Variants in NCKAP1 observed in about 807,000 individuals in gnomAD.
NCKAP1 encodes the protein NCK associated protein 1.
A neutral mutation model predicts 151.2 loss-of-function variants in NCKAP1; 21 were observed. The ratio of observed to expected loss-of-function variants is 0.14; its 90% CI spans 0.10 to 0.20. NCKAP1 has a LOEUF of 0.20. Among genes scored for constraint, NCKAP1 ranks in the 10% least tolerant of loss-of-function variants. The pLI, the probability that NCKAP1 is intolerant of heterozygous loss-of-function variation, is 1.00. For missense variants in NCKAP1, 933 were observed against 1,352.1 expected (o/e 0.69, Z 4.86); for synonymous variants, 484 against 451.8 (o/e 1.07, Z -0.90).
intron 24 of NCKAP1, among the ~76,000 whole-genome samples, chr2:182,938,291 A>T (rs1411412577): frequency 6.6e-6 from 1 of 152,218 alleles, no homozygotes; most frequent in African/African-American, 2.4e-5. Flanking sequence ...CAGAGTAAAA[A>T]TGGAAGAGTA....
intron 23 of NCKAP1, among the ~76,000 whole-genome samples, chr2:182,947,671 T>A (rs895869478): frequency 2.6e-5 from 4 of 152,168 alleles, no homozygotes; most frequent in Admixed American, 2.6e-4. Context: ...CTACCAATAC[T>A]GGAAGCAAAA....
intron 15 of NCKAP1, among the ~76,000 whole-genome samples, chr2:182,968,272 G>A (rs548459194): frequency 6.6e-6 from 1 of 152,182 alleles, no homozygotes; most frequent in Non-Finnish European, 1.5e-5. Context: ...GGCAGTAGTG[G>A]CAATAAGACG....
At position 182,998,175 on chromosome 2, in the gene NCKAP1, C is replaced by T. The variant is rs115885826; in HGVS notation, c.604-2337G>A. ...CTAACTAGGCATCAAAGGAACACACCTCAAAATAAGCAGTGCCATCTATGA... is the reference window on the plus strand; with the variant it reads ...CTAACTAGGCATCAAAGGAACACACTTCAAAATAAGCAGTGCCATCTATGA... On this transcript the variant is annotated intron_variant, in intron 6 of 30. Transcript: ENST00000361354. Among the ~76,000 whole-genome samples, 1,480 of 152,132 alleles carry T rather than the reference C, an allele frequency of 9.7e-3. 7 individuals are homozygous for T. Among genetic ancestry groups the T allele is most frequent in the Non-Finnish European group, 0.015 (1,017 of 67,978 alleles).
At chr2:183,030,071 T>C (rs1439706162) in intron 1 of NCKAP1, among the ~76,000 whole-genome samples, 1 of 152,198 alleles carries the variant, frequency 6.6e-6, no homozygotes, top group South Asian at 2.1e-4. Flanking sequence ...CAAAACACTA[T>C]CTAAAAATAT....
chr2:182,961,397 C>T (rs558574045), intron 18 of NCKAP1, among the ~76,000 whole-genome samples: 19 of 152,240 alleles, frequency 1.2e-4, no homozygotes, highest in South Asian at 4.2e-4. Context: ...GAATACTATG[C>T]GGCCATAAAA....
chr2:182,957,514 G>C lies in NCKAP1; in HGVS notation c.1964C>G (p.Pro655Arg). The C allele has an allele frequency of 1.2e-6, 2 of 1,613,904 alleles. No homozygotes were observed. The highest frequency in any genetic ancestry group is 1.7e-6 in the Non-Finnish European group (2 of 1,179,904). Residue 655 changes from proline to arginine, a missense_variant, in exon 19 of 31, where the codon CCT becomes CGT. This residue lies in a region of NCKAP1 where 607 missense variants were observed against 795.0 expected (regional missense o/e 0.76). Transcript: ENST00000361354. ...CTCAACACCTGGTTTCTCCCTTTCA[G>C]GTTCCCCTTTCTTACCAGTCTGCTT... ...SKKQTGKKGEPEREKPGVESM... is the reference protein window; with the variant it reads ...SKKQTGKKGEREREKPGVESM...
intron 8 of NCKAP1, among the ~76,000 whole-genome samples, chr2:182,992,686 A>C (rs994173821): frequency 6.6e-6 from 1 of 152,212 alleles, no homozygotes; most frequent in African/African-American, 2.4e-5. Context: ...AATGTAAAAA[A>C]TAATATAATT....
intron 7 of NCKAP1, among the ~76,000 whole-genome samples, chr2:182,995,232 A>G: frequency 6.6e-6 from 1 of 152,236 alleles, no homozygotes; most frequent in East Asian, 1.9e-4. Context: ...AGTCAAGTTA[A>G]AAGACATTTA....
At position 182,914,351 on chromosome 2, in the gene NCKAP1, G is replaced by GT. The variant is rs1338267291; in HGVS notation, c.*11350dup. On this transcript the variant is annotated 3_prime_UTR_variant, in exon 31 of 31. Coordinates refer to ENST00000361354, the MANE Select transcript of NCKAP1 (RefSeq NM_013436.5). The stretch of plus-strand genomic sequence containing the variant: ...GGGAAGGCAAGTGGAGGGAGCTGAC[G>GT]TTTTGGACTCTGGACAGATACAATA... 6.6e-6 allele frequency: 1 copy of GT among 152,164 alleles called. No individual in the cohort carries two copies. 9.4% of individuals were successfully genotyped at this position (152,164 alleles called of 1,614,324 possible).
chr2:183,010,682 G>A (rs1443797386), intron 2 of NCKAP1, among the ~76,000 whole-genome samples: 1 of 152,152 alleles, frequency 6.6e-6, no homozygotes, highest in Non-Finnish European at 1.5e-5. Flanking sequence ...TCAAATTAAA[G>A]CAAACTTTGA....
At chr2:183,021,660 G>T (rs1259338406) in intron 2 of NCKAP1, among the ~76,000 whole-genome samples, 2 of 152,034 alleles carry the variant, frequency 1.3e-5, no homozygotes, top group African/African-American at 4.8e-5. Flanking sequence ...GATAAACCTT[G>T]AAAATATTAC....
At chr2:182,941,562 G>C (rs1696995374) in intron 24 of NCKAP1, among the ~76,000 whole-genome samples, 2 of 152,200 alleles carry the variant, frequency 1.3e-5, no homozygotes. Flanking sequence ...TGGGGTAGGA[G>C]ACCAACTACA....
At chr2:182,946,349 G>A (rs1697104573) in intron 23 of NCKAP1, among the ~76,000 whole-genome samples, 3 of 152,074 alleles carry the variant, frequency 2.0e-5, no homozygotes, top group East Asian at 1.9e-4. Flanking sequence ...GCAGTGAGCC[G>A]AGATCACGCC....
chr2:183,014,116 T>C lies in NCKAP1; in HGVS notation c.219+9690A>G, dbSNP rs938293728. On this transcript the variant is annotated intron_variant, in intron 2 of 30. Coordinates refer to ENST00000361354, the MANE Select transcript of NCKAP1 (RefSeq NM_013436.5). The stretch of plus-strand genomic sequence containing the variant: ...CATTATTTATTTCTGTTCAACATAA[T>C]ATAAGCTCTGTAAGAACAGAGACTT... Among the ~76,000 whole-genome samples, 6 of 152,238 alleles carry C rather than the reference T, an allele frequency of 3.9e-5. No homozygotes were observed. In the East Asian group the frequency reaches 1.2e-3, roughly 29 times the overall value.
chr2:182,953,832 C>T (rs184555219), intron 20 of NCKAP1, among the ~76,000 whole-genome samples: 6 of 151,846 alleles, frequency 4.0e-5, no homozygotes, highest in Admixed American at 2.0e-4. Flanking sequence ...AAAACTACAA[C>T]GAAATGTGAA....
At chr2:183,023,145 A>T (rs1190994324) in intron 2 of NCKAP1, among the ~76,000 whole-genome samples, 1 of 152,196 alleles carries the variant, frequency 6.6e-6, no homozygotes, top group Non-Finnish European at 1.5e-5. Context: ...GTCAAAATTT[A>T]TATAAAAATG....
chr2:182,926,692 T>C (rs1696654837), intron 30 of NCKAP1, 124 bp downstream of exon 30: 2 of 579,174 alleles, frequency 3.5e-6, no homozygotes, highest in East Asian at 6.2e-5. Flanking sequence ...TTTAGAAAGG[T>C]GTGGCTTACG....
At chr2:182,934,861 A>G (rs1239682210) in intron 25 of NCKAP1, 29 bp from the exon 26 acceptor site, 4 of 1,078,312 alleles carry the variant, frequency 3.7e-6, no homozygotes, top group Non-Finnish European at 5.3e-6. Context: ...AAGAATACAG[A>G]ATTATTTTTA....
At chr2:182,943,925 T>G (rs1697047683) in intron 23 of NCKAP1, among the ~76,000 whole-genome samples, 1 of 152,192 alleles carries the variant, frequency 6.6e-6, no homozygotes, top group Admixed American at 6.5e-5. Flanking sequence ...TCCATGTTCT[T>G]AATCCCTAAA....
Sources: gnomAD v4.1 joint callset for allele counts (sites outside exome capture counted in the v4.1 genomes callset) on GRCh38, gnomAD v4.1.1 for gene constraint, gnomAD v4.1.1 regional missense constraint, MANE v1.5 for transcripts, NCBI Gene and HGNC (gene_info 2026-07-23, HGNC 2026-07-21) for gene names.